HEATR9: variants seen among roughly 807,000 people sequenced by gnomAD.
The protein encoded by HEATR9 is HEAT repeat containing 9.
Under a neutral mutation model 68.2 loss-of-function variants are expected in HEATR9, and 54 were observed. The observed-to-expected ratio is 0.79, with a 90% CI of 0.64 to 0.99. HEATR9 has a LOEUF of 0.99. HEATR9 is among the 50% of genes least tolerant of loss of function. HEATR9 has a pLI of 0.00. For synonymous variants in HEATR9, 241 were observed against 253.5 expected (o/e 0.95, Z 0.47); for missense variants, 662 against 679.7 (o/e 0.97, Z 0.29).
chr17:35,861,140 T>TC, intron 8 of HEATR9: 1 of 1,437,324 alleles, frequency 7.0e-7, no homozygotes, highest in Non-Finnish European at 9.8e-7. Context: ...TCCAACTGCT[T>TC]CCCTTTGCCT....
At chr17:35,864,427 C>A in intron 5 of HEATR9, 70 bp downstream of exon 5, 3 of 1,567,620 alleles carry the variant, frequency 1.9e-6, no homozygotes, top group Middle Eastern at 1.7e-4. Context: ...TCACGTCAAG[C>A]AGCTTTTTAC....
intron 9 of HEATR9, 129 bp downstream of exon 9, chr17:35,858,759 C>G (rs1443840516): frequency 9.4e-7 from 1 of 1,058,414 alleles, no homozygotes; most frequent in Admixed American, 2.1e-5. Flanking sequence ...CATACTCATA[C>G]ATGGACATAG....
chr17:35,864,679 G>A, intron 4 of HEATR9, 79 bp downstream of exon 4: 1 of 1,601,712 alleles, frequency 6.2e-7, no homozygotes, highest in Non-Finnish European at 8.5e-7. Context: ...AGGACTGAGG[G>A]CTGAAGGATG....
chr17:35,864,378 C>T (rs2088117610), intron 5 of HEATR9, 76 bp from the exon 6 acceptor site: 1 of 1,529,192 alleles, frequency 6.5e-7, no homozygotes, highest in Non-Finnish European at 9.1e-7. Flanking sequence ...CTGGATACAG[C>T]TGGAGTTTGT....
chr17:35,861,687 T>C lies in HEATR9; in HGVS notation c.756+1308A>G, dbSNP rs2087997757. On this transcript the variant is annotated intron_variant, in intron 8 of 14. Coordinates refer to ENST00000604834, the MANE Select transcript of HEATR9 (RefSeq NM_152781.4). ...TATCTGTAAGGCTAACCCACTCACT[T>C]TCTTTATGTCTTTGCTCAAATGTAC... The C allele has an allele frequency of 1.1e-5, 6 of 535,384 alleles. No individual in the cohort carries two copies. In the East Asian group the frequency reaches 1.3e-4, roughly 12 times the overall value. 33.2% of individuals were successfully genotyped at this position (535,384 alleles called of 1,614,324 possible). A position where few individuals can be genotyped will look rare whatever the true frequency, so the allele number is the denominator to read the frequency against.
intron 12 of HEATR9, 187 bp from the exon 13 acceptor site, chr17:35,856,411 G>A: frequency 6.8e-7 from 1 of 1,473,228 alleles, no homozygotes; most frequent in Non-Finnish European, 9.2e-7. Flanking sequence ...AGTTTGCCAG[G>A]AGGCACTGAA....
intron 8 of HEATR9, among the ~76,000 whole-genome samples, 195 bp downstream of exon 8, chr17:35,862,800 T>A (rs999995889): frequency 6.6e-6 from 1 of 152,200 alleles, no homozygotes; most frequent in Non-Finnish European, 1.5e-5. Flanking sequence ...GCTCTGAAAT[T>A]TGGCTTTTCA....
intron 7 of HEATR9, 56 bp from the exon 8 acceptor site, chr17:35,863,181 C>A: frequency 6.2e-7 from 1 of 1,607,662 alleles, no homozygotes. Context: ...CCCCTCTCTG[C>A]AAGGACCCAT....
rs1035935134 is a variant in HEATR9, at chr17:35,861,694, T to C, written c.756+1301A>G. The C allele has an allele frequency of 7.6e-6, 4 of 524,650 alleles. No homozygotes were observed. In the Admixed American group the frequency reaches 1.3e-4, roughly 17 times the overall value. The allele number at this position is 524,650 out of a possible 1,614,324, so 32.5% of individuals were successfully genotyped here. The stretch of plus-strand genomic sequence containing the variant: ...AAGGCTAACCCACTCACTTTCTTTA[T>C]GTCTTTGCTCAAATGTACCTTCTAA... On this transcript the variant is annotated intron_variant, in intron 8 of 14. Transcript: ENST00000604834.
At chr17:35,868,428 G>A (rs1284341135) in intron 1 of HEATR9, 5 of 658,908 alleles carry the variant, frequency 7.6e-6, no homozygotes, top group Non-Finnish European at 1.2e-5. Context: ...GGGAGCAGAA[G>A]CTGGGGAGAC....
chr17:35,855,993 T>G (rs1157952688), intron 13 of HEATR9, among the ~76,000 whole-genome samples, 180 bp downstream of exon 13: 1 of 152,116 alleles, frequency 6.6e-6, no homozygotes, highest in East Asian at 1.9e-4. Context: ...ACATCAATCT[T>G]CTGTCCCTTA....
chr17:35,861,259 C>T (rs539293373), intron 8 of HEATR9: 32 of 1,508,362 alleles, frequency 2.1e-5, no homozygotes, highest in South Asian at 1.0e-4. Context: ...TTTAGCTTGA[C>T]GTTTCTGTTT....
intron 11 of HEATR9, among the ~76,000 whole-genome samples, chr17:35,857,485 C>T (rs188854057): frequency 2.5e-4 from 38 of 152,220 alleles, no homozygotes; most frequent in Middle Eastern, 3.4e-3. Context: ...TAGGGCCGGG[C>T]GCAGTGGCTC....
Position 35,855,666 on chromosome 17 carries a change from T to G in HEATR9, c.1363A>C (p.Ser455Arg). Residue 455 changes from serine (S) to arginine (R), a missense_variant and splice_region_variant, in exon 14 of 15, where the codon AGT (serine) becomes CGT (arginine). Ser to Arg is a moderately radical substitution (Grantham distance 110). Coordinates refer to ENST00000604834, the MANE Select transcript of HEATR9 (RefSeq NM_152781.4). ...DAENHQAVKK[S>R]LQETLILCAS... ...GTGGGCAGGAACGCCTTACTTACAC[T>G]CTTCTTCACAGCCTGGTGGTTTTCT... 6.2e-7 allele frequency: 1 copy of G among 1,613,738 alleles called. No homozygotes were observed. The highest frequency in any genetic ancestry group is 2.2e-5 in the East Asian group (1 of 44,874).
chr17:35,867,960 T>C (rs546878928), intron 1 of HEATR9, among the ~76,000 whole-genome samples: 4 of 152,278 alleles, frequency 2.6e-5, no homozygotes, highest in African/African-American at 9.6e-5. Flanking sequence ...TTTGTATTTT[T>C]AGTAGAGATG....
At position 35,855,116 on chromosome 17, in the gene HEATR9, AG is replaced by A. The variant is rs778106326; in HGVS notation, c.1659del (p.Trp554GlyfsTer38). On this transcript the variant is annotated frameshift_variant, in exon 15 of 15. Transcript: ENST00000604834. LOFTEE classifies it low-confidence loss of function (END_TRUNC). ...PRKHRPQVIG[P>X]WQPRIKKQLR... ...AGCTGTTTCTTGATCCTTGGCTGCC[AG>A]GGCCCTATGACCTGTGGCCTATGTT... 4 of 1,614,188 alleles carry A rather than the reference AG, an allele frequency of 2.5e-6. No homozygotes were observed. Among genetic ancestry groups the A allele is most frequent in the Non-Finnish European group, 3.4e-6 (4 of 1,180,030 alleles).
At position 35,864,523 on chromosome 17, in the gene HEATR9, C is replaced by T. The variant is rs748429388; in HGVS notation, c.484G>A (p.Glu162Lys). ...ELTKSLESPR[E>K]DEQFYAAQAL... ...TGTGCTGCATAGAACTGCTCATCCT[C>T]TCTGGGAGATTCCAGGCTTTTTGTG... Residue 162 changes from glutamate to lysine, a missense_variant, in exon 5 of 15, where the codon GAG becomes AAG. Transcript: ENST00000604834. 43 of 1,613,922 alleles carry T rather than the reference C, an allele frequency of 2.7e-5. No individual in the cohort carries two copies. Among genetic ancestry groups the T allele is most frequent in the South Asian group, 2.0e-4 (18 of 91,070 alleles).
In HEATR9 at chr17:35,865,397, C is replaced by T; in HGVS notation, c.139-1G>A. ...TTGGGGGAAACTCTTCCTTTGGCAT[C>T]TGGGGGTTGCAAGTGGCAGAACAGT... On this transcript the variant is annotated splice_acceptor_variant, in intron 2 of 14. Transcript: ENST00000604834. LOFTEE classifies it high-confidence loss of function. 1 of 1,612,120 alleles carries T rather than the reference C, an allele frequency of 6.2e-7. No homozygotes were observed. The highest frequency in any genetic ancestry group is 8.5e-7 in the Non-Finnish European group (1 of 1,179,574).
chr17:35,860,284 C>T (rs1435327944), intron 8 of HEATR9, among the ~76,000 whole-genome samples: 8 of 145,912 alleles, frequency 5.5e-5, no homozygotes, highest in Non-Finnish European at 1.2e-4. Flanking sequence ...CCCAGCTACT[C>T]GGGAGGCTGA....
Sources: gnomAD v4.1 joint callset for allele counts (sites outside exome capture counted in the v4.1 genomes callset) on GRCh38, gnomAD v4.1.1 for gene constraint, MANE v1.5 for transcripts, NCBI Gene and HGNC (gene_info 2026-07-23, HGNC 2026-07-21) for gene names.